Variants in CTNNA2 observed in about 807,000 individuals in gnomAD.
CTNNA2 encodes the protein catenin alpha-2.
In CTNNA2, 42 loss-of-function variants were observed where a neutral mutation model predicts 101.0. The observed-to-expected ratio is 0.42, with a 90% CI of 0.32 to 0.54. The LOEUF is 0.54. Ranked by LOEUF, CTNNA2 falls within the 20% of genes least tolerant of loss-of-function variation. The pLI is 0.14. For synonymous variants in CTNNA2, 450 were observed against 456.4 expected, an observed-to-expected ratio of 0.99 and a Z score of 0.18; for missense variants, 871 against 1,223.1, an observed-to-expected ratio of 0.71 and a Z score of 4.29.
intron 4 of CTNNA2, among the ~76,000 whole-genome samples, chr2:79,375,032 C>T (rs1474101494): frequency 6.6e-6 from 1 of 152,070 alleles, no homozygotes; most frequent in Non-Finnish European, 1.5e-5. Flanking sequence ...TAGAGTTGCT[C>T]ATTTTTGGAA....
intron 3 of CTNNA2, among the ~76,000 whole-genome samples, chr2:79,793,888 G>GCACACACACACACACACA (rs71385299): frequency 4.2e-5 from 6 of 142,618 alleles, no homozygotes; most frequent in South Asian, 2.4e-4. Context: ...ACACACTCAT[G>GCACACACACACACACACA]CACACACACA....
rs182954243 is a variant in CTNNA2 at position 80,317,724 on chromosome 2, G to A, written c.1057-75487G>A. On this transcript the variant is annotated intron_variant, in intron 7 of 18. Coordinates refer to ENST00000402739, the MANE Select transcript of CTNNA2 (RefSeq NM_001282597.3). ...ACAACCACACACATTCAGAAATCTC[G>A]TTTTGTATGTGGGAGTCTGGCTTCA... Among the ~76,000 whole-genome samples the A allele has an allele frequency of 3.3e-5, 5 of 152,146 alleles. No homozygotes were observed. The East Asian group carries it at 5.8e-4, about 18-fold the overall frequency.
At chr2:79,537,134 C>T (rs1228362796) in intron 1 of CTNNA2, among the ~76,000 whole-genome samples, 1 of 152,134 alleles carries the variant, frequency 6.6e-6, no homozygotes, top group Non-Finnish European at 1.5e-5. Flanking sequence ...AAACCACCCC[C>T]CATTGAAGGA....
chr2:79,659,950 G>A (rs1257431502), intron 2 of CTNNA2, among the ~76,000 whole-genome samples: 1 of 152,142 alleles, frequency 6.6e-6, no homozygotes, highest in Non-Finnish European at 1.5e-5. Flanking sequence ...CTATGATGGT[G>A]CCAGTGCACT....
intron 3 of CTNNA2, among the ~76,000 whole-genome samples, chr2:79,337,569 T>C (rs1677021767): frequency 6.6e-6 from 1 of 152,040 alleles, no homozygotes; most frequent in Non-Finnish European, 1.5e-5. Flanking sequence ...AAAATAAAAG[T>C]AGAAAAAGAA....
intron 7 of CTNNA2, among the ~76,000 whole-genome samples, chr2:80,355,744 AC>A (rs1031080631): frequency 3.3e-5 from 5 of 152,040 alleles, no homozygotes; most frequent in African/African-American, 1.2e-4. Context: ...CCATTGGACA[AC>A]TTTTTCTTTC....
intron 9 of CTNNA2, among the ~76,000 whole-genome samples, chr2:80,526,754 A>C (rs76300639): frequency 0.031 from 4,724 of 152,318 alleles, 247 homozygotes; most frequent in African/African-American, 0.1. Flanking sequence ...TTGCACAGTT[A>C]AAACTCACAC....
At chr2:80,242,840 G>T (rs574349237) in intron 7 of CTNNA2, among the ~76,000 whole-genome samples, 1 of 152,276 alleles carries the variant, frequency 6.6e-6, no homozygotes, top group African/African-American at 2.4e-5. Flanking sequence ...TCTTCATTCT[G>T]CAGGGATCCT....
intron 7 of CTNNA2, among the ~76,000 whole-genome samples, chr2:80,087,180 C>A (rs1475790134): frequency 2.0e-5 from 3 of 151,974 alleles, no homozygotes; most frequent in Non-Finnish European, 2.9e-5. Flanking sequence ...TATAGCCTTG[C>A]AAATTCTAAT....
intron 7 of CTNNA2, among the ~76,000 whole-genome samples, chr2:80,197,253 G>A (rs1706898707): frequency 1.3e-5 from 2 of 152,148 alleles, no homozygotes; most frequent in African/African-American, 4.8e-5. Context: ...TTCACCACTG[G>A]ATACCCAAAT....
chr2:80,461,532 TATC>T (rs377627222), intron 9 of CTNNA2, among the ~76,000 whole-genome samples: 202 of 152,338 alleles, frequency 1.3e-3, no homozygotes, highest in African/African-American at 4.6e-3. Flanking sequence ...AAGTCTGCCT[TATC>T]ATGCCTTAAC....
chr2:80,093,008 A>T (rs562884151), intron 7 of CTNNA2, among the ~76,000 whole-genome samples: 58 of 151,096 alleles, frequency 3.8e-4, no homozygotes, highest in East Asian at 3.9e-4. Flanking sequence ...CTTTTTTTTT[A>T]AATTTTATTA....
intron 4 of CTNNA2, among the ~76,000 whole-genome samples, chr2:79,408,415 T>C (rs148689943): frequency 0.028 from 4,174 of 150,948 alleles, 103 homozygotes; most frequent in African/African-American, 0.065. Flanking sequence ...TAACTCGTCA[T>C]TTAGCATTAG....
At chr2:79,483,725 C>T (rs115616113) in intron 4 of CTNNA2, among the ~76,000 whole-genome samples, 1,974 of 152,270 alleles carry the variant, frequency 0.013, 67 homozygotes, top group Admixed American at 0.083. Context: ...CAGGTTGCTG[C>T]GAATGCTATT....
intron 4 of CTNNA2, among the ~76,000 whole-genome samples, chr2:79,458,036 C>A (rs141727126): frequency 1.2e-4 from 18 of 152,298 alleles, no homozygotes; most frequent in African/African-American, 4.1e-4. Context: ...ATACCCAGAG[C>A]AAACCTTAAG....
At chr2:79,883,640 G>C (rs1392354966) in intron 6 of CTNNA2, among the ~76,000 whole-genome samples, 1 of 152,038 alleles carries the variant, frequency 6.6e-6, no homozygotes, top group East Asian at 1.9e-4. Context: ...TTGACTGCCA[G>C]AAAACAAACT....
chr2:79,539,883 T>C (rs2103982332), intron 1 of CTNNA2, among the ~76,000 whole-genome samples: 1 of 152,328 alleles, frequency 6.6e-6, no homozygotes, highest in South Asian at 2.1e-4. Context: ...TCCTGCTTAG[T>C]GTCTCTTTTT....
chr2:80,590,648 G>A (rs567242073), intron 15 of CTNNA2, among the ~76,000 whole-genome samples: 1 of 152,088 alleles, frequency 6.6e-6, no homozygotes, highest in South Asian at 2.1e-4. Context: ...CACCCCCTTT[G>A]CCTCTGGCCA....
intron 4 of CTNNA2, among the ~76,000 whole-genome samples, chr2:79,384,189 T>C (rs1371802333): frequency 6.6e-6 from 1 of 152,214 alleles, no homozygotes; most frequent in African/African-American, 2.4e-5. Context: ...AGACCCATCT[T>C]TCATGCTGCT....
Sources: allele counts gnomAD v4.1 joint callset (sites outside exome capture counted in the v4.1 genomes callset), GRCh38; gene constraint gnomAD v4.1.1; transcripts MANE v1.5; gene names NCBI Gene and HGNC (gene_info 2026-07-23, HGNC 2026-07-21).